Variants in PLPP3 observed in about 807,000 individuals in gnomAD.
The protein encoded by PLPP3 is phospholipid phosphatase 3, also known as PAP2 beta.
A neutral mutation model predicts 29.6 loss-of-function variants in PLPP3; 6 were observed. The observed-to-expected ratio is 0.20, with a 90% CI of 0.11 to 0.40. The LOEUF is 0.40. Ranked by LOEUF, PLPP3 falls within the 10% of genes least tolerant of loss-of-function variation. PLPP3 has a pLI of 1.00. For missense variants in PLPP3, 308 were observed against 407.7 expected, an observed-to-expected ratio of 0.76 and a Z score of 2.11; for synonymous variants, 152 against 159.7, an observed-to-expected ratio of 0.95 and a Z score of 0.36.
intron 1 of PLPP3, among the ~76,000 whole-genome samples, chr1:56,571,160 C>T (rs1303962842): frequency 6.6e-6 from 1 of 152,220 alleles, no homozygotes; most frequent in South Asian, 2.1e-4. Flanking sequence ...AGGTCCTCCT[C>T]TTTCACTGTC....
At chr1:56,570,013 T>C (rs1646187248) in intron 1 of PLPP3, among the ~76,000 whole-genome samples, 1 of 152,198 alleles carries the variant, frequency 6.6e-6, no homozygotes, top group Non-Finnish European at 1.5e-5. Context: ...TCATCACTTA[T>C]ATAGTGTTTG....
chr1:56,512,207 A>G, intron 4 of PLPP3, 55 bp from the exon 5 acceptor site: 1 of 1,435,856 alleles, frequency 7.0e-7, no homozygotes, highest in African/African-American at 1.4e-5. Context: ...ACTCACATGC[A>G]CTATAACCCC....
intron 4 of PLPP3, among the ~76,000 whole-genome samples, chr1:56,521,017 T>C (rs998147161): frequency 2.0e-5 from 3 of 151,382 alleles, no homozygotes; most frequent in Non-Finnish European, 4.4e-5. Flanking sequence ...TTGGATTGCT[T>C]GAGCCCAGGA....
At chr1:56,526,745 T>A (rs1645855488) in intron 2 of PLPP3, among the ~76,000 whole-genome samples, 2 of 152,142 alleles carry the variant, frequency 1.3e-5, no homozygotes, top group African/African-American at 4.8e-5. Flanking sequence ...TGCAATGACA[T>A]TTATTCTCAA....
At chr1:56,519,343 C>T (rs1569874191) in intron 4 of PLPP3, among the ~76,000 whole-genome samples, 1 of 152,080 alleles carries the variant, frequency 6.6e-6, no homozygotes, top group African/African-American at 2.4e-5. Context: ...TCTGAGAGTC[C>T]GTAATATAAC....
Position 56,523,840 on chromosome 1 carries a change from T to A in PLPP3, c.616A>T (p.Thr206Ser). ...FSGHASFSMY[T>S]MLYLVLYLQA... ...GTACTTACCACCAAATACAGCATAG[T>A]GTACATGGAGAAGGAGGCATGGCCA... Residue 206 changes from threonine (T) to serine (S), a missense_variant, in exon 4 of 6, where the codon ACT becomes TCT. This residue lies in a region of PLPP3 where 232 missense variants were observed against 317.2 expected (regional missense o/e 0.73). Coordinates refer to ENST00000371250, the MANE Select transcript of PLPP3 (RefSeq NM_003713.5). The A allele has an allele frequency of 6.2e-7, 1 of 1,613,670 alleles. No homozygotes were observed. Among genetic ancestry groups the A allele is most frequent in the African/African-American group, 1.3e-5 (1 of 74,958 alleles).
chr1:56,578,492 G>C (rs927481225), intron 1 of PLPP3, among the ~76,000 whole-genome samples: 3 of 152,240 alleles, frequency 2.0e-5, no homozygotes, highest in Admixed American at 1.3e-4. Context: ...ATTTCACTCG[G>C]ATGGAGGGCG....
At chr1:56,538,351 G>A in intron 1 of PLPP3, 1 of 254,212 alleles carries the variant, frequency 3.9e-6, no homozygotes, top group Non-Finnish European at 7.9e-6. Context: ...ACTTCGCAAA[G>A]TAAAAGGACC....
intron 1 of PLPP3, among the ~76,000 whole-genome samples, chr1:56,557,538 G>A (rs1646093371): frequency 6.6e-6 from 1 of 152,182 alleles, no homozygotes; most frequent in Non-Finnish European, 1.5e-5. Flanking sequence ...ACAGTAGGCA[G>A]TTGATACACG....
chr1:56,560,023 T>C (rs1276148140), intron 1 of PLPP3, among the ~76,000 whole-genome samples: 1 of 152,226 alleles, frequency 6.6e-6, no homozygotes, highest in Non-Finnish European at 1.5e-5. Flanking sequence ...ACAACCGTGA[T>C]GTTACCACTT....
At chr1:56,541,700 A>G (rs1645970575) in intron 1 of PLPP3, among the ~76,000 whole-genome samples, 1 of 152,184 alleles carries the variant, frequency 6.6e-6, no homozygotes, top group Non-Finnish European at 1.5e-5. Context: ...GGTGCTTTCT[A>G]TAAAGTAAGT....
At chr1:56,568,434 T>C (rs940668804) in intron 1 of PLPP3, among the ~76,000 whole-genome samples, 17 of 152,300 alleles carry the variant, frequency 1.1e-4, no homozygotes, top group African/African-American at 4.1e-4. Context: ...TTGAGAAACT[T>C]AAAAAGTCCA....
At chr1:56,496,964 C>T (rs1172446894) in intron 5 of PLPP3, among the ~76,000 whole-genome samples, 1 of 152,168 alleles carries the variant, frequency 6.6e-6, no homozygotes, top group African/African-American at 2.4e-5. Context: ...CCCATACTTC[C>T]TTATTTCTCA....
intron 1 of PLPP3, among the ~76,000 whole-genome samples, chr1:56,555,285 C>G (rs760256811): frequency 2.6e-5 from 4 of 151,488 alleles, no homozygotes; most frequent in Non-Finnish European, 5.9e-5. Flanking sequence ...TTATCTGTCC[C>G]CTGCACATGG....
At chr1:56,500,798 A>G (rs1211705023) in intron 5 of PLPP3, among the ~76,000 whole-genome samples, 1 of 151,988 alleles carries the variant, frequency 6.6e-6, no homozygotes, top group Non-Finnish European at 1.5e-5. Flanking sequence ...TGAGGTCAGG[A>G]GTTAGAGACC....
chr1:56,532,212 A>G (rs1276536538), intron 2 of PLPP3, among the ~76,000 whole-genome samples: 1 of 152,142 alleles, frequency 6.6e-6, no homozygotes, highest in Non-Finnish European at 1.5e-5. Context: ...CCCAGGGATA[A>G]GAAGGTCTCA....
chr1:56,563,385 A>T (rs978674736), intron 1 of PLPP3, among the ~76,000 whole-genome samples: 5 of 152,184 alleles, frequency 3.3e-5, no homozygotes, highest in African/African-American at 1.2e-4. Context: ...AAAATGTTTC[A>T]TTTCCCTGGC....
Position 56,495,664 on chromosome 1 carries a change from C to T in PLPP3, c.*887G>A, listed in dbSNP as rs1001022161. 4 of 152,684 alleles carry T rather than the reference C, an allele frequency of 2.6e-5. No homozygotes were observed. The highest frequency in any genetic ancestry group is 9.6e-5 in the African/African-American group (4 of 41,474). 9.5% of individuals were successfully genotyped at this position (152,684 alleles called of 1,614,324 possible). On this transcript the variant is annotated 3_prime_UTR_variant, in exon 6 of 6. Transcript: ENST00000371250. Reference sequence around the variant, plus strand: ...CTGCTTTCCGTCAGCTGGTGGCAGACCATGCCTTGCTCATTCCTGGGCCCT... The same window carrying T: ...CTGCTTTCCGTCAGCTGGTGGCAGATCATGCCTTGCTCATTCCTGGGCCCT...
At chr1:56,530,589 T>C (rs1173539796) in intron 2 of PLPP3, among the ~76,000 whole-genome samples, 1 of 152,238 alleles carries the variant, frequency 6.6e-6, no homozygotes, top group Non-Finnish European at 1.5e-5. Context: ...CCATTGTCCA[T>C]CCGGCTTTTG....
Sources: gnomAD v4.1 joint callset for allele counts (sites outside exome capture counted in the v4.1 genomes callset) on GRCh38, gnomAD v4.1.1 for gene constraint, gnomAD v4.1.1 regional missense constraint, MANE v1.5 for transcripts, NCBI Gene and HGNC (gene_info 2026-07-23, HGNC 2026-07-21) for gene names.